The following RYR3 variants were observed in gnomAD, a reference collection of about 807,000 sequenced individuals.
The protein encoded by RYR3 is brain ryanodine receptor-calcium release channel.
RYR3 carries 207 observed loss-of-function variants against 584.3 expected under a neutral mutation model. The ratio of observed to expected loss-of-function variants is 0.35; its 90% CI spans 0.32 to 0.40. RYR3 has a LOEUF of 0.40. Among genes scored for constraint, RYR3 ranks in the 10% least tolerant of loss-of-function variants. The pLI, the probability that RYR3 is intolerant of heterozygous loss-of-function variation, is 1.00. For synonymous variants in RYR3, 2,416 were observed against 2,248.5 expected (o/e 1.07, Z -2.11); for missense variants, 5,616 against 6,089.2 (o/e 0.92, Z 2.59).
In RYR3 at chr15:33,623,958, C is replaced by A. The variant is rs376402290; in HGVS notation, c.2509C>A (p.Leu837Ile). Reference protein sequence around the residue: ...YKRDADGIRDLLGTTQFLSQA... With the variant: ...YKRDADGIRDILGTTQFLSQA... ...ACGTGATGCTGATGGCATTAGAGAT[C>A]TCTTGGGTACCACCCAGTTCCTCTC... Residue 837 changes from leucine to isoleucine, a missense_variant, in exon 20 of 104, where the codon CTC becomes ATC. By Grantham distance (5) the Leu-to-Ile change is conservative. Coordinates refer to ENST00000634891, the MANE Select transcript of RYR3 (RefSeq NM_001036.6). The A allele has an allele frequency of 1.2e-6, 2 of 1,614,010 alleles. No homozygotes were observed. The highest frequency in any genetic ancestry group is 4.5e-5 in the East Asian group (2 of 44,892).
rs138831585 is a variant in RYR3 at position 33,374,364 on chromosome 15, A to ATGTGTGTG, written c.51+63296_51+63303dup. Among the ~76,000 whole-genome samples, 331 of 145,024 alleles carry ATGTGTGTG rather than the reference A, an allele frequency of 2.3e-3. 3 individuals are homozygous for ATGTGTGTG. Among genetic ancestry groups the ATGTGTGTG allele is most frequent in the Non-Finnish European group, 3.0e-3 (199 of 65,894 alleles). ...TCTGGCTTTCTTCCTGTACGAGTGT[A>ATGTGTGTG]TGTGTGTGTGTGTGTGTGTGTGTGT... On this transcript the variant is annotated intron_variant, in intron 1 of 103. Transcript: ENST00000634891.
chr15:33,840,900 A>G lies in RYR3; in HGVS notation c.13037+17A>G. 1 of 1,611,206 alleles carries G rather than the reference A, an allele frequency of 6.2e-7. No individual in the cohort carries two copies. Among genetic ancestry groups the G allele is most frequent in the Non-Finnish European group, 8.5e-7 (1 of 1,177,594 alleles). On this transcript the variant is annotated intron_variant, in intron 90 of 103. Transcript: ENST00000634891. Reference sequence around the variant, plus strand: ...GAAGGCAGAGTAAGTTCTTGGTAGCATCAACTACTCTCATTGCTATGGTAG... The same window carrying G: ...GAAGGCAGAGTAAGTTCTTGGTAGCGTCAACTACTCTCATTGCTATGGTAG...
intron 69 of RYR3, among the ~76,000 whole-genome samples, chr15:33,805,342 G>A (rs888561878): frequency 2.6e-5 from 4 of 152,030 alleles, no homozygotes; most frequent in Admixed American, 6.5e-5. Flanking sequence ...TCAGTGGATC[G>A]AAAAAGGACA....
intron 10 of RYR3, among the ~76,000 whole-genome samples, chr15:33,555,378 A>G (rs1387093386): frequency 6.6e-6 from 1 of 152,200 alleles, no homozygotes; most frequent in Non-Finnish European, 1.5e-5. Context: ...GGAAAGAGGA[A>G]AATACGGATA....
At position 33,419,876 on chromosome 15, in the gene RYR3, G is replaced by C. The variant is rs146665162; in HGVS notation, c.52-53543G>C. ...ATAAAATCCCCATGTAACTTTACCA[G>C]GCATCTGCAGTACAAGGACATTTTG... On this transcript the variant is annotated intron_variant, in intron 1 of 103. Coordinates refer to ENST00000634891, the MANE Select transcript of RYR3 (RefSeq NM_001036.6). Among the ~76,000 whole-genome samples the C allele has an allele frequency of 2.0e-5, 3 of 152,194 alleles. No homozygotes were observed. In the East Asian group the frequency reaches 5.8e-4, roughly 29 times the overall value.
intron 99 of RYR3, 93 bp from the exon 100 acceptor site, chr15:33,859,482 C>G: frequency 2.1e-6 from 3 of 1,459,666 alleles, no homozygotes; most frequent in Non-Finnish European, 2.8e-6. Context: ...TTAGGGCTGC[C>G]ACAATCTGAC....
chr15:33,473,317 G>A (rs2049092913), intron 1 of RYR3, 102 bp from the exon 2 acceptor site: 2 of 1,366,392 alleles, frequency 1.5e-6, no homozygotes, highest in South Asian at 1.2e-5. Context: ...GCACGTGGCT[G>A]TCAGGGATTG....
chr15:33,493,425 T>G (rs2051146119), intron 2 of RYR3, among the ~76,000 whole-genome samples: 3 of 152,228 alleles, frequency 2.0e-5, no homozygotes, highest in Non-Finnish European at 4.4e-5. Flanking sequence ...CCATTAAGTT[T>G]CCACAGCTCA....
At chr15:33,342,175 T>A (rs1200095200) in intron 1 of RYR3, among the ~76,000 whole-genome samples, 1 of 152,254 alleles carries the variant, frequency 6.6e-6, no homozygotes, top group Non-Finnish European at 1.5e-5. Flanking sequence ...CTTAGGAAGG[T>A]GGCAGATGTC....
chr15:33,650,756 A>G (rs2062419340), intron 31 of RYR3, among the ~76,000 whole-genome samples: 1 of 152,118 alleles, frequency 6.6e-6, no homozygotes, highest in Non-Finnish European at 1.5e-5. Flanking sequence ...TGAACACTGT[A>G]TTTTCAATCT....
chr15:33,780,971 CTACTTACG>C (rs1429872788), intron 65 of RYR3, among the ~76,000 whole-genome samples: 1 of 152,214 alleles, frequency 6.6e-6, no homozygotes, highest in African/African-American at 2.4e-5. Flanking sequence ...ACAACCACAC[CTACTTACG>C]TACATTTGGT....
chr15:33,531,535 T>G (rs1433137813), intron 4 of RYR3, among the ~76,000 whole-genome samples: 1 of 152,060 alleles, frequency 6.6e-6, no homozygotes, highest in Non-Finnish European at 1.5e-5. Flanking sequence ...TCCACACATT[T>G]ATACCAGCAG....
At chr15:33,621,273 A>C (rs1299871131) in intron 19 of RYR3, among the ~76,000 whole-genome samples, 1 of 152,200 alleles carries the variant, frequency 6.6e-6, no homozygotes, top group East Asian at 1.9e-4. Context: ...GTAATGGAAT[A>C]CACTTACTTG....
intron 2 of RYR3, among the ~76,000 whole-genome samples, chr15:33,481,764 G>C (rs1172466114): frequency 6.7e-6 from 1 of 149,822 alleles, no homozygotes; most frequent in Non-Finnish European, 1.5e-5. Context: ...TTACAGGAGT[G>C]AGCCACCAGG....
intron 27 of RYR3, among the ~76,000 whole-genome samples, 153 bp downstream of exon 27, chr15:33,636,703 A>G (rs190983307): frequency 2.0e-4 from 31 of 152,290 alleles, no homozygotes; most frequent in African/African-American, 7.0e-4. Flanking sequence ...TAGACTAGCA[A>G]TTTCAAAGAA....
rs1182416961 is a variant in RYR3 at position 33,794,335 on chromosome 15, T to TAACA, written c.9830+5877_9830+5878insAACA. On this transcript the variant is annotated intron_variant, in intron 67 of 103. Coordinates refer to ENST00000634891, the MANE Select transcript of RYR3 (RefSeq NM_001036.6). ...TATATATATATATTTTTATATATGT[T>TAACA]TATATATATAAAAATATATATATAT... 9.6e-4 allele frequency among the ~76,000 whole-genome samples: 29 copies of TAACA among 30,102 alleles called. No homozygotes were observed. The East Asian group carries it at 0.15, about 151-fold the overall frequency. 19.7% of individuals were successfully genotyped at this position (30,102 alleles called of 152,430 possible).
Position 33,603,229 on chromosome 15 carries a change from C to G in RYR3, c.2029C>G (p.Pro677Ala), listed in dbSNP as rs200675332. The G allele has an allele frequency of 6.2e-7, 1 of 1,613,928 alleles. No homozygotes were observed. Among genetic ancestry groups the G allele is most frequent in the Non-Finnish European group, 8.5e-7 (1 of 1,179,864 alleles). The change falls in exon 18 of 104, where the codon CCC (proline) becomes GCC (alanine). Residue 677 changes from proline (P) to alanine (A), a missense_variant. Pro to Ala is a conservative substitution (Grantham distance 27). Transcript: ENST00000634891. ...GGTGGACCCCTTCCTAACAGCAGAGCCCACACATCTGCGGGTGGGCTGGGC... is the reference window on the plus strand; with the variant it reads ...GGTGGACCCCTTCCTAACAGCAGAGGCCACACATCTGCGGGTGGGCTGGGC... ...DQVDPFLTAE[P>A]THLRVGWASS... is the part of the protein sequence containing the mutation.
intron 1 of RYR3, among the ~76,000 whole-genome samples, chr15:33,357,405 C>G (rs74005189): frequency 0.057 from 8,688 of 152,220 alleles, 387 homozygotes; most frequent in African/African-American, 0.12. Flanking sequence ...TCACTCTCCT[C>G]TCTAGTGACA....
intron 1 of RYR3, among the ~76,000 whole-genome samples, chr15:33,381,511 C>T (rs765753534): frequency 1.3e-5 from 2 of 152,192 alleles, no homozygotes; most frequent in Non-Finnish European, 2.9e-5. Flanking sequence ...CTCTGCTGCC[C>T]CAGCCTGATG....
Sources: allele counts gnomAD v4.1 joint callset (sites outside exome capture counted in the v4.1 genomes callset), GRCh38; gene constraint gnomAD v4.1.1; transcripts MANE v1.5; gene names NCBI Gene and HGNC (gene_info 2026-07-23, HGNC 2026-07-21).